The following WDR41 variants were observed in gnomAD, a reference collection of about 807,000 sequenced individuals.
The protein encoded by WDR41 is WD repeat-containing protein 41.
WDR41 carries 63 observed loss-of-function variants against 69.3 expected under a neutral mutation model. The ratio of observed to expected loss-of-function variants is 0.91; its 90% CI spans 0.74 to 1.12. WDR41 has a LOEUF of 1.12. WDR41 is among the 50% of genes most tolerant of loss of function. The pLI is 0.00. For synonymous variants in WDR41, 185 were observed against 192.1 expected (o/e 0.96, Z 0.31); for missense variants, 543 against 534.5 (o/e 1.02, Z -0.16).
intron 1 of WDR41, among the ~76,000 whole-genome samples, chr5:77,572,100 A>T (rs1465338561): frequency 1.5e-4 from 23 of 152,138 alleles, no homozygotes; most frequent in Non-Finnish European, 2.9e-5. Context: ...AGTTAGGAAG[A>T]TAGGCTAAAA....
chr5:77,505,290 G>C (rs911894592), intron 1 of WDR41, among the ~76,000 whole-genome samples: 4 of 152,116 alleles, frequency 2.6e-5, no homozygotes, highest in African/African-American at 4.8e-5. Context: ...GCTACAAAGA[G>C]AGTAAAATAC....
intron 7 of WDR41, among the ~76,000 whole-genome samples, chr5:77,451,023 T>C (rs749806691): frequency 1.3e-5 from 2 of 152,170 alleles, no homozygotes; most frequent in Non-Finnish European, 2.9e-5. Context: ...AGTTGGAATA[T>C]TATGAAGTGA....
chr5:77,443,876 C>CTTTTT (rs746105630), intron 8 of WDR41, among the ~76,000 whole-genome samples: 1 of 105,006 alleles, frequency 9.5e-6, no homozygotes. Flanking sequence ...TCAATCAGCA[C>CTTTTT]TTTTTTTTTT....
At chr5:77,508,136 T>G (rs1014863275) in intron 1 of WDR41, among the ~76,000 whole-genome samples, 2 of 152,204 alleles carry the variant, frequency 1.3e-5, no homozygotes, top group Admixed American at 6.5e-5. Context: ...TTTTTTCTTT[T>G]GGAGACAGGG....
At chr5:77,513,683 CAT>C (rs1802244060) in intron 1 of WDR41, among the ~76,000 whole-genome samples, 1 of 152,174 alleles carries the variant, frequency 6.6e-6, no homozygotes, top group Non-Finnish European at 1.5e-5. Flanking sequence ...AAAATTTAAA[CAT>C]GTTTTAACCG....
intron 1 of WDR41, among the ~76,000 whole-genome samples, chr5:77,507,305 AAAACAT>A (rs1802124053): frequency 6.6e-6 from 1 of 152,254 alleles, no homozygotes; most frequent in Non-Finnish European, 1.5e-5. Flanking sequence ...AATTAAAAAT[AAAACAT>A]AAATACACTG....
At chr5:77,596,835 C>T (rs78443023) in intron 1 of WDR41, among the ~76,000 whole-genome samples, 13,723 of 152,094 alleles carry the variant, frequency 0.09, 776 homozygotes, top group East Asian at 0.21. Flanking sequence ...ATGGTTTTAG[C>T]CAGGCAAAGT....
chr5:77,536,585 A>T (rs572269754), intron 1 of WDR41, among the ~76,000 whole-genome samples: 2 of 152,204 alleles, frequency 1.3e-5, no homozygotes, highest in African/African-American at 2.4e-5. Flanking sequence ...ATTTCAGTCA[A>T]TGACAAACCA....
chr5:77,485,954 A>C (rs1464127197), intron 2 of WDR41, among the ~76,000 whole-genome samples: 1 of 152,216 alleles, frequency 6.6e-6, no homozygotes, highest in Non-Finnish European at 1.5e-5. Flanking sequence ...GACCAAAAAA[A>C]ACCCAGAGTG....
intron 1 of WDR41, among the ~76,000 whole-genome samples, chr5:77,505,778 A>G (rs1802095085): frequency 6.6e-6 from 1 of 152,192 alleles, no homozygotes; most frequent in African/African-American, 2.4e-5. Context: ...CAAAAACAAG[A>G]AACGGGGAAA....
At chr5:77,536,134 A>C (rs1417191219) in intron 1 of WDR41, among the ~76,000 whole-genome samples, 1 of 152,096 alleles carries the variant, frequency 6.6e-6, no homozygotes, top group Non-Finnish European at 1.5e-5. Flanking sequence ...TTATGTGTAC[A>C]TCCAAGTTTA....
At chr5:77,611,315 A>G (rs1249536975) in intron 1 of WDR41, among the ~76,000 whole-genome samples, 1 of 152,250 alleles carries the variant, frequency 6.6e-6, no homozygotes, top group East Asian at 1.9e-4. Context: ...TCTAATAGAC[A>G]TCTACAGAAC....
chr5:77,568,306 T>A (rs374994917), intron 1 of WDR41, among the ~76,000 whole-genome samples: 1 of 152,170 alleles, frequency 6.6e-6, no homozygotes, highest in Non-Finnish European at 1.5e-5. Flanking sequence ...GCCTGTGACA[T>A]TGGAGAATTT....
intron 1 of WDR41, among the ~76,000 whole-genome samples, chr5:77,533,462 T>C (rs1187421607): frequency 6.6e-5 from 10 of 152,184 alleles, no homozygotes; most frequent in Admixed American, 6.5e-4. Context: ...TTATGTAATG[T>C]AAAACACATA....
chr5:77,441,400 TA>T (rs1298731266), intron 8 of WDR41, among the ~76,000 whole-genome samples: 3 of 152,132 alleles, frequency 2.0e-5, no homozygotes, highest in Non-Finnish European at 4.4e-5. Flanking sequence ...TAAAGGGCTC[TA>T]ACGGAAGCAG....
intron 1 of WDR41, among the ~76,000 whole-genome samples, chr5:77,581,362 A>C (rs2112291007): frequency 6.6e-6 from 1 of 152,342 alleles, no homozygotes; most frequent in African/African-American, 2.4e-5. Flanking sequence ...TAAAGCAAAA[A>C]CTGACAGAAA....
chr5:77,614,406 A>T (rs1744631714), intron 1 of WDR41, among the ~76,000 whole-genome samples: 1 of 151,050 alleles, frequency 6.6e-6, no homozygotes, highest in South Asian at 2.1e-4. Context: ...CAAATGTCCA[A>T]CAATGATAGA....
chr5:77,445,271 T>C (rs906787310), intron 8 of WDR41, among the ~76,000 whole-genome samples: 1 of 152,100 alleles, frequency 6.6e-6, no homozygotes, highest in Non-Finnish European at 1.5e-5. Context: ...AGTTCTGAAA[T>C]TGAGGCAGTA....
chr5:77,432,812 A>G lies in WDR41; in HGVS notation c.*323T>C. ...AGCCAAATAATAAAACTTCTAATAA[A>G]TGCCATAACTTAACTATTACCTCTA... On this transcript the variant is annotated 3_prime_UTR_variant, in exon 13 of 13. Coordinates refer to ENST00000296679, the MANE Select transcript of WDR41 (RefSeq NM_018268.4). 1 of 187,296 alleles carries G rather than the reference A, an allele frequency of 5.3e-6. No individual in the cohort carries two copies. Among genetic ancestry groups the G allele is most frequent in the Middle Eastern group, 2.1e-3 (1 of 482 alleles). 11.6% of individuals were successfully genotyped at this position (187,296 alleles called of 1,614,324 possible). A position where few individuals can be genotyped will look rare whatever the true frequency, so the allele number is the denominator to read the frequency against.
Sources: gnomAD v4.1 joint callset for allele counts (sites outside exome capture counted in the v4.1 genomes callset) on GRCh38, gnomAD v4.1.1 for gene constraint, MANE v1.5 for transcripts, NCBI Gene and HGNC (gene_info 2026-07-23, HGNC 2026-07-21) for gene names.